JMJD1C: variants seen among roughly 807,000 people sequenced by gnomAD.
The protein encoded by JMJD1C is jumonji domain-containing protein 1C.
In JMJD1C, 31 loss-of-function variants were observed where a neutral mutation model predicts 245.3. The ratio of observed to expected loss-of-function variants is 0.13; its 90% CI spans 0.09 to 0.17. The LOEUF (loss-of-function observed/expected upper bound fraction) is 0.17. JMJD1C is among the 10% of genes least tolerant of loss of function. JMJD1C has a pLI of 1.00. For synonymous variants in JMJD1C, 1,057 were observed against 1,017.4 expected (o/e 1.04, Z -0.74); for missense variants, 2,691 against 3,000.2 (o/e 0.90, Z 2.41).
chr10:63,323,610 T>C (rs1450917572), intron 2 of JMJD1C, among the ~76,000 whole-genome samples: 1 of 152,194 alleles, frequency 6.6e-6, no homozygotes, highest in African/African-American at 2.4e-5. Flanking sequence ...GAAGTCATAC[T>C]GATAAGAGCA....
At chr10:63,458,415 A>G (rs1050281162) in intron 1 of JMJD1C, among the ~76,000 whole-genome samples, 12 of 151,926 alleles carry the variant, frequency 7.9e-5, no homozygotes, top group African/African-American at 2.7e-4. Flanking sequence ...TTGAACCCAG[A>G]AAGTGACTGC....
intron 22 of JMJD1C, 125 bp from the exon 23 acceptor site, chr10:63,177,981 C>G: frequency 1.0e-6 from 1 of 996,048 alleles, no homozygotes; most frequent in Non-Finnish European, 1.4e-6. Flanking sequence ...TTTTTGGTCA[C>G]CCAGGCTGGA....
rs557696491 is a variant in JMJD1C at position 63,273,980 on chromosome 10, A to G, written c.334-9216T>C. Among the ~76,000 whole-genome samples the G allele has an allele frequency of 2.6e-5, 4 of 152,340 alleles. No homozygotes were observed. In the East Asian group the frequency reaches 7.7e-4, roughly 29 times the overall value. ...TGAAAAGAATACATCTCTCATCTTT[A>G]TACACGTGGAAGCCTAAACAAACCA... is the stretch of plus-strand genomic sequence containing the variant. On this transcript the variant is annotated intron_variant, in intron 2 of 25. Transcript: ENST00000399262.
chr10:63,293,641 T>C (rs891001125), intron 2 of JMJD1C, among the ~76,000 whole-genome samples: 1 of 152,176 alleles, frequency 6.6e-6, no homozygotes, highest in African/African-American at 2.4e-5. Context: ...TTGAAACTCC[T>C]CTCTCAAAGT....
intron 2 of JMJD1C, among the ~76,000 whole-genome samples, chr10:63,351,641 A>G (rs1944370229): frequency 6.6e-6 from 1 of 152,192 alleles, no homozygotes; most frequent in African/African-American, 2.4e-5. Flanking sequence ...AAAATAGAAC[A>G]TAAAATCACC....
At chr10:63,428,365 C>T (rs1355207521) in intron 1 of JMJD1C, among the ~76,000 whole-genome samples, 2 of 152,076 alleles carry the variant, frequency 1.3e-5, no homozygotes, top group East Asian at 1.9e-4. Context: ...GATCAATTAA[C>T]GAAATTTTAC....
At chr10:63,506,460 G>A (rs909305888) in intron 1 of JMJD1C, among the ~76,000 whole-genome samples, 1 of 152,180 alleles carries the variant, frequency 6.6e-6, no homozygotes, top group African/African-American at 2.4e-5. Flanking sequence ...ACAAGCCCCA[G>A]TTCTGAACTT....
rs186640627 is a variant in JMJD1C, at chr10:63,331,417, C to T, written c.333+48901G>A. 9.2e-5 allele frequency among the ~76,000 whole-genome samples: 14 copies of T among 152,288 alleles called. No individual in the cohort carries two copies. The East Asian group carries it at 2.3e-3, about 25-fold the overall frequency. On this transcript the variant is annotated intron_variant, in intron 2 of 25. Transcript: ENST00000399262. ...CACAATTAGAATTACATTTCCAATA[C>T]ATTCGCTTACATGGTTTTTCATTTG...
At chr10:63,181,345 C>A (rs1408879123) in intron 22 of JMJD1C, among the ~76,000 whole-genome samples, 1 of 152,106 alleles carries the variant, frequency 6.6e-6, no homozygotes, top group African/African-American at 2.4e-5. Context: ...GGGGAGGCAT[C>A]ATAATAAAGA....
chr10:63,446,607 GA>G (rs1951733932), intron 1 of JMJD1C, among the ~76,000 whole-genome samples: 1 of 152,142 alleles, frequency 6.6e-6, no homozygotes, highest in Admixed American at 6.5e-5. Flanking sequence ...GGAGAGGCAA[GA>G]AAGACAGATA....
chr10:63,285,541 G>A (rs554304331), intron 2 of JMJD1C, among the ~76,000 whole-genome samples: 28 of 152,172 alleles, frequency 1.8e-4, no homozygotes, highest in Non-Finnish European at 3.5e-4. Flanking sequence ...TTTACTGCCC[G>A]GGCAGAGTGG....
chr10:63,307,080 T>C (rs930076371), intron 2 of JMJD1C, among the ~76,000 whole-genome samples: 7 of 152,198 alleles, frequency 4.6e-5, no homozygotes, highest in Non-Finnish European at 5.9e-5. Context: ...AAAAGAGGTA[T>C]TTAAAGGCAA....
intron 10 of JMJD1C, among the ~76,000 whole-genome samples, chr10:63,206,130 C>T (rs1589143825): frequency 6.6e-6 from 1 of 152,278 alleles, no homozygotes; most frequent in African/African-American, 2.4e-5. Flanking sequence ...TACCCAGGGA[C>T]AACTGTAACT....
intron 10 of JMJD1C, among the ~76,000 whole-genome samples, chr10:63,205,930 C>T (rs1031486306): frequency 2.6e-5 from 4 of 152,130 alleles, no homozygotes; most frequent in Non-Finnish European, 4.4e-5. Context: ...CTCAAGTGAT[C>T]CTCCTGCCTC....
intron 6 of JMJD1C, 45 bp from the exon 7 acceptor site, chr10:63,215,500 A>G (rs781662872): frequency 6.2e-7 from 1 of 1,610,754 alleles, no homozygotes. Flanking sequence ...CCTGGTTTCT[A>G]CTAGCCTAAG....
At chr10:63,286,495 AC>A (rs1349327187) in intron 2 of JMJD1C, among the ~76,000 whole-genome samples, 1 of 152,206 alleles carries the variant, frequency 6.6e-6, no homozygotes, top group Non-Finnish European at 1.5e-5. Context: ...CCTTTTCTTA[AC>A]AGATCAGTTT....
chr10:63,260,935 T>C (rs1321410572), intron 3 of JMJD1C, among the ~76,000 whole-genome samples: 2 of 152,052 alleles, frequency 1.3e-5, no homozygotes, highest in African/African-American at 4.8e-5. Context: ...AATAATTTAT[T>C]TTCTCCTCCT....
chr10:63,223,680 C>T (rs1449621702), intron 3 of JMJD1C, among the ~76,000 whole-genome samples: 2 of 151,938 alleles, frequency 1.3e-5, no homozygotes, highest in Admixed American at 6.6e-5. Flanking sequence ...AACCAGTTGC[C>T]TATGTTTAAA....
intron 2 of JMJD1C, among the ~76,000 whole-genome samples, chr10:63,352,509 G>C (rs753327830): frequency 1.3e-5 from 2 of 151,900 alleles, no homozygotes; most frequent in Non-Finnish European, 1.5e-5. Flanking sequence ...GTGATGACAT[G>C]CATCTATAAT....
Sources: allele counts gnomAD v4.1 joint callset (sites outside exome capture counted in the v4.1 genomes callset), GRCh38; gene constraint gnomAD v4.1.1; transcripts MANE v1.5; gene names NCBI Gene and HGNC (gene_info 2026-07-23, HGNC 2026-07-21).